PTPRN2: variants seen among roughly 807,000 people sequenced by gnomAD.
PTPRN2 encodes receptor-type tyrosine-protein phosphatase N2.
A neutral mutation model predicts 118.8 loss-of-function variants in PTPRN2; 74 were observed. The ratio of observed to expected loss-of-function variants is 0.62; its 90% CI spans 0.52 to 0.76. The LOEUF is 0.76. PTPRN2 is among the 30% of genes least tolerant of loss of function. The pLI, the probability that PTPRN2 is intolerant of heterozygous loss-of-function variation, is 0.00. For missense variants in PTPRN2, 1,481 were observed against 1,394.4 expected (o/e 1.06, Z -0.99); for synonymous variants, 641 against 608.0 (o/e 1.05, Z -0.80).
Position 157,764,907 on chromosome 7 carries a change from C to CCAT in PTPRN2, c.1789-81973_1789-81971dup, listed in dbSNP as rs1802354428. On this transcript the variant is annotated intron_variant, in intron 12 of 22. Coordinates refer to ENST00000389418, the MANE Select transcript of PTPRN2 (RefSeq NM_002847.5). The surrounding 1 kb of genome is among the most constrained non-coding windows in gnomAD (Gnocchi z 4.5). ...TTCATCCACCCATCCATCTACCCATCCATCCATCCATTGATCCATCCATAT... is the reference window on the plus strand; with the variant it reads ...TTCATCCACCCATCCATCTACCCATCCATCATCCATCCATTGATCCATCCATAT... Among the ~76,000 whole-genome samples, 1 of 151,648 alleles carries CCAT rather than the reference C, an allele frequency of 6.6e-6. No individual in the cohort carries two copies. The highest frequency in any genetic ancestry group is 2.4e-5 in the African/African-American group (1 of 41,240).
rs535498213 is a variant in PTPRN2 at position 158,556,278 on chromosome 7, G to A, written c.112+31280C>T. Among the ~76,000 whole-genome samples, 193 of 152,346 alleles carry A rather than the reference G, an allele frequency of 1.3e-3. 2 individuals are homozygous for A. The highest frequency in any genetic ancestry group is 4.4e-3 in the African/African-American group (182 of 41,582). ...CGTAAAGACAGATTAGATGGGCTGG[G>A]CATGGTGGCTTACACCTGTAATCCC... On this transcript the variant is annotated intron_variant, in intron 1 of 22. Coordinates refer to ENST00000389418, the MANE Select transcript of PTPRN2 (RefSeq NM_002847.5).
In PTPRN2 at chr7:157,820,556, G is replaced by A. The variant is rs138083066; in HGVS notation, c.1788+78117C>T. ...CAGACCCACACACGTGCACACACAC[G>A]CACACACACTCATACATGCACTCAC... On this transcript the variant is annotated intron_variant, in intron 12 of 22. Coordinates refer to ENST00000389418, the MANE Select transcript of PTPRN2 (RefSeq NM_002847.5). Among the ~76,000 whole-genome samples the A allele has an allele frequency of 2.0e-3, 277 of 136,688 alleles. 1 individual carries two copies. Among genetic ancestry groups the A allele is most frequent in the African/African-American group, 7.0e-3 (249 of 35,500 alleles). The allele number at this position is 136,688 out of a possible 152,430, so 89.7% of individuals were successfully genotyped here.
In PTPRN2 at chr7:158,035,199, ACT is replaced by A. The variant is rs760786201; in HGVS notation, c.1723+46097_1723+46098del. Among the ~76,000 whole-genome samples, 6 of 152,294 alleles carry A rather than the reference ACT, an allele frequency of 3.9e-5. No individual in the cohort carries two copies. The East Asian group carries it at 1.2e-3, about 29-fold the overall frequency. On this transcript the variant is annotated intron_variant, in intron 11 of 22. Transcript: ENST00000389418. ...CATGACAATATATGCACTTTTAAAT[ACT>A]CTCACTTCATAGTCAACAAGTGTCT...
Position 157,953,338 on chromosome 7 carries a change from G to A in PTPRN2, c.1724-54601C>T, listed in dbSNP as rs1295361352. On this transcript the variant is annotated intron_variant, in intron 11 of 22. Coordinates refer to ENST00000389418, the MANE Select transcript of PTPRN2 (RefSeq NM_002847.5). The surrounding 1 kb of genome is among the most constrained non-coding windows in gnomAD (Gnocchi z 4.6). ...GAGGCAGATGGATGGAGACGTGGGA[G>A]CAGGGGCTGGCAGCACTCCCCGAGC... 6.6e-6 allele frequency among the ~76,000 whole-genome samples: 1 copy of A among 152,164 alleles called. No individual in the cohort carries two copies. The highest frequency in any genetic ancestry group is 1.5e-5 in the Non-Finnish European group (1 of 68,034).
At chr7:157,575,535 C>T (rs1289649067) in intron 19 of PTPRN2, among the ~76,000 whole-genome samples, 1 of 152,200 alleles carries the variant, frequency 6.6e-6, no homozygotes, top group Non-Finnish European at 1.5e-5. Context: ...TTACAAAAAA[C>T]TGCATTTTGC....
intron 2 of PTPRN2, among the ~76,000 whole-genome samples, chr7:158,368,055 C>T (rs946262238): frequency 2.6e-5 from 4 of 152,174 alleles, no homozygotes; most frequent in African/African-American, 9.7e-5. Flanking sequence ...TTGACCAGCA[C>T]CAGAAGTCAC....
At chr7:157,843,288 T>G (rs1031746521) in intron 12 of PTPRN2, among the ~76,000 whole-genome samples, 7 of 152,202 alleles carry the variant, frequency 4.6e-5, no homozygotes, top group African/African-American at 1.7e-4. Flanking sequence ...ATCATAAAAC[T>G]AATCATGCAA....
intron 11 of PTPRN2, among the ~76,000 whole-genome samples, chr7:157,940,668 C>T (rs1585053080): frequency 6.9e-6 from 1 of 143,886 alleles, no homozygotes; most frequent in African/African-American, 2.7e-5. Context: ...CACTGCAAAT[C>T]TAACACTCTC....
chr7:157,574,162 G>T (rs185275153), intron 19 of PTPRN2, among the ~76,000 whole-genome samples: 6 of 152,272 alleles, frequency 3.9e-5, no homozygotes, highest in Admixed American at 3.9e-4. Flanking sequence ...AAGAAAAGTT[G>T]GTATCATAGA....
chr7:157,926,031 T>A (rs1161971253), intron 11 of PTPRN2, among the ~76,000 whole-genome samples: 1 of 108,952 alleles, frequency 9.2e-6, no homozygotes, highest in Non-Finnish European at 2.0e-5. Context: ...TTAGACTTTA[T>A]TAAGCTTTTG....
rs1827342351 is a variant in PTPRN2, at chr7:158,208,607, G to A, written c.278-3334C>T. Among the ~76,000 whole-genome samples the A allele has an allele frequency of 2.0e-5, 3 of 152,176 alleles. No individual in the cohort carries two copies. The South Asian group carries it at 6.2e-4, about 31-fold the overall frequency. On this transcript the variant is annotated intron_variant, in intron 3 of 22. Coordinates refer to ENST00000389418, the MANE Select transcript of PTPRN2 (RefSeq NM_002847.5). ...ATACTTTCCCAGACAAACAAAAGCT[G>A]AAGGATTCCATCAACAGCAGACCTG... is the stretch of plus-strand genomic sequence containing the variant.
intron 2 of PTPRN2, among the ~76,000 whole-genome samples, chr7:158,337,719 C>T (rs368609276): frequency 2.6e-4 from 34 of 131,658 alleles, no homozygotes; most frequent in East Asian, 4.6e-4. Context: ...AGCTGACGCC[C>T]GCAGACGTCA....
chr7:158,420,266 G>A (rs6945210), intron 2 of PTPRN2, among the ~76,000 whole-genome samples: 88 of 152,222 alleles, frequency 5.8e-4, no homozygotes, highest in African/African-American at 1.7e-3. Context: ...CTGCCCACCC[G>A]CGAAAAGGCC....
intron 3 of PTPRN2, among the ~76,000 whole-genome samples, chr7:158,214,680 T>A (rs1475300513): frequency 6.6e-6 from 1 of 152,018 alleles, no homozygotes; most frequent in Non-Finnish European, 1.5e-5. Context: ...AACTTTCATC[T>A]CCATTGGGTT....
At chr7:158,169,401 C>T (rs1823322057) in intron 5 of PTPRN2, among the ~76,000 whole-genome samples, 1 of 146,920 alleles carries the variant, frequency 6.8e-6, no homozygotes, top group Non-Finnish European at 1.5e-5. Flanking sequence ...CACCACCATA[C>T]CTGGCTGCTT....
At chr7:158,085,329 TGCCCATCCACACCCATGAC>T (rs1813247034) in intron 10 of PTPRN2, among the ~76,000 whole-genome samples, 1 of 83,270 alleles carries the variant, frequency 1.2e-5, no homozygotes, top group Non-Finnish European at 2.2e-5. Context: ...CATTCACACA[TGCCCATCCACACCCATGAC>T]GCCCATCCAC....
At chr7:158,138,105 G>C (rs1819006356) in intron 7 of PTPRN2, among the ~76,000 whole-genome samples, 189 bp downstream of exon 7, 1 of 152,226 alleles carries the variant, frequency 6.6e-6, no homozygotes, top group African/African-American at 2.4e-5. Context: ...AATTGCTCTG[G>C]TAGGCTTAGT....
At chr7:158,387,139 C>T (rs1234956413) in intron 2 of PTPRN2, among the ~76,000 whole-genome samples, 1 of 152,238 alleles carries the variant, frequency 6.6e-6, no homozygotes, top group Non-Finnish European at 1.5e-5. Context: ...CCCCAGGAGG[C>T]TGGGAAAGTC....
intron 11 of PTPRN2, among the ~76,000 whole-genome samples, chr7:157,959,854 G>A (rs896529203): frequency 1.3e-5 from 2 of 152,206 alleles, no homozygotes; most frequent in African/African-American, 4.8e-5. Context: ...TAATGCAAAA[G>A]CAGGAACTTG....
Sources: allele counts gnomAD v4.1 joint callset (sites outside exome capture counted in the v4.1 genomes callset), GRCh38; gene constraint gnomAD v4.1.1; non-coding constraint Gnocchi (gnomAD v3.1); transcripts MANE v1.5; gene names NCBI Gene and HGNC (gene_info 2026-07-23, HGNC 2026-07-21).